Variants in PHF8 observed in about 807,000 individuals in gnomAD.
PHF8 encodes the protein histone lysine demethylase PHF8.
A neutral mutation model predicts 74.4 loss-of-function variants in PHF8; 9 were observed. That is an observed-to-expected ratio of 0.12 (90% CI 0.07 to 0.21). The LOEUF is 0.21. Among genes scored for constraint, PHF8 ranks in the 10% least tolerant of loss-of-function variants. The probability of loss-of-function intolerance (pLI) is 1.00; values close to 1 mark genes in which losing one functional copy is unlikely to be tolerated. For missense variants in PHF8, 478 were observed against 816.6 expected (o/e 0.59, Z 5.05); for synonymous variants, 311 against 316.6 (o/e 0.98, Z 0.19).
chrX:54,011,604 T>C (rs1339771960), intron 7 of PHF8, among the ~76,000 whole-genome samples: 1 of 111,779 alleles, frequency 8.9e-6, no homozygotes, highest in African/African-American at 3.2e-5. Flanking sequence ...GAATGGCCTC[T>C]ACAGATGAGT....
chrX:54,047,927 C>T (rs868977606), upstream of PHF8, among the ~76,000 whole-genome samples: 10 of 111,658 alleles, frequency 9.0e-5, no homozygotes, highest in African/African-American at 2.6e-4. Flanking sequence ...TGGTGGCTCA[C>T]GCCTGTAATC....
intron 14 of PHF8, among the ~76,000 whole-genome samples, chrX:53,990,136 C>A (rs1557100947): frequency 9.0e-6 from 1 of 111,530 alleles, no homozygotes; most frequent in East Asian, 2.8e-4. Context: ...GGCAATACAG[C>A]AAGACCCTGT....
rs782528412 is a variant in PHF8 at position 53,991,487 on chromosome X, C to A, written c.1730+1249G>T. 4.6e-5 allele frequency among the ~76,000 whole-genome samples: 5 copies of A among 109,097 alleles called. No homozygotes were observed. The East Asian group carries it at 1.4e-3, about 31-fold the overall frequency. 94.7% of individuals were successfully genotyped at this position (109,097 alleles called of 115,157 possible). On this transcript the variant is annotated intron_variant, in intron 14 of 21. Transcript: ENST00000338154. Reference sequence around the variant, plus strand: ...GACCAGCCTGGCCAACATGCGGAAACCCTGTCTCTACTAAAAATACAAAAA... The same window carrying A: ...GACCAGCCTGGCCAACATGCGGAAAACCTGTCTCTACTAAAAATACAAAAA...
At chrX:53,988,885 G>A (rs2065612392) in intron 14 of PHF8, among the ~76,000 whole-genome samples, 1 of 110,591 alleles carries the variant, frequency 9.0e-6, no homozygotes, top group Non-Finnish European at 1.9e-5. Context: ...AGCTTTACTG[G>A]CATAATCATT....
In PHF8 at chrX:53,937,657, G is replaced by A. The variant is rs2064687738; in HGVS notation, c.*1501C>T. On this transcript the variant is annotated 3_prime_UTR_variant, in exon 22 of 22. Transcript: ENST00000338154. ...TTCCAAGGAAGGAAAGTAGAGGCAG[G>A]GCTATGGAGAAAAGAAAGACAAACT... is the stretch of plus-strand genomic sequence containing the variant. 1.3e-5 allele frequency: 3 copies of A among 231,283 alleles called. No individual in the cohort carries two copies. Among genetic ancestry groups the A allele is most frequent in the Non-Finnish European group, 1.6e-5 (2 of 127,663 alleles). 19.1% of individuals were successfully genotyped at this position (231,283 alleles called of 1,213,427 possible).
At chrX:54,039,738 A>G (rs1300362509) in intron 2 of PHF8, 1 of 112,603 alleles carries the variant, frequency 8.9e-6, no homozygotes, top group Non-Finnish European at 1.9e-5. Flanking sequence ...AAGTACAAAT[A>G]ATGTTCAAAA....
At chrX:54,023,633 G>A (rs1426664009) in intron 2 of PHF8, among the ~76,000 whole-genome samples, 2 of 108,093 alleles carry the variant, frequency 1.9e-5, no homozygotes, top group Middle Eastern at 4.7e-3. Flanking sequence ...TTGGGAGGCC[G>A]AGGCAGGAGG....
At chrX:54,037,603 A>C (rs1314951210) in intron 2 of PHF8, among the ~76,000 whole-genome samples, 2 of 112,344 alleles carry the variant, frequency 1.8e-5, no homozygotes, top group Non-Finnish European at 3.8e-5. Flanking sequence ...CAGCACCTGA[A>C]GATATCAAAA....
rs373291906 is a variant in PHF8 at position 53,987,741 on chromosome X, G to A, written c.1909+25C>T. ...AACAAACAAAAAAACGGGCAGGGGA[G>A]GAAAAAGAAAGAACAGACACACACT... On this transcript the variant is annotated intron_variant, in intron 15 of 21. Transcript: ENST00000338154. The A allele has an allele frequency of 1.6e-5, 18 of 1,146,164 alleles. No individual in the cohort carries two copies. In the African/African-American group the frequency reaches 2.1e-4, roughly 14 times the overall value. 94.5% of individuals were successfully genotyped at this position (1,146,164 alleles called of 1,213,427 possible). A position where few individuals can be genotyped will look rare whatever the true frequency, so the allele number is the denominator to read the frequency against.
chrX:54,018,805 A>G (rs782782629), intron 4 of PHF8, among the ~76,000 whole-genome samples: 1 of 110,631 alleles, frequency 9.0e-6, no homozygotes, highest in African/African-American at 3.3e-5. Flanking sequence ...TTTTTAGTAG[A>G]TAGGGGATTT....
intron 18 of PHF8, among the ~76,000 whole-genome samples, chrX:53,964,868 CAA>C (rs782274910): frequency 5.3e-5 from 2 of 37,766 alleles, no homozygotes; most frequent in African/African-American, 9.4e-5. Context: ...AACTCTGCCT[CAA>C]AAAAAAAAAA....
upstream of PHF8, among the ~76,000 whole-genome samples, chrX:54,045,473 T>C (rs1557117287): frequency 8.9e-6 from 1 of 112,524 alleles, no homozygotes; most frequent in African/African-American, 3.2e-5. Flanking sequence ...AAACAGGGCC[T>C]CTGGAGTGGG....
At chrX:54,015,778 CA>C (rs1353700332) in intron 6 of PHF8, among the ~76,000 whole-genome samples, 2 of 110,786 alleles carry the variant, frequency 1.8e-5, no homozygotes, top group East Asian at 5.7e-4. Flanking sequence ...CAAAAAGATA[CA>C]TTATGATTTC....
intron 9 of PHF8, 97 bp downstream of exon 9, chrX:54,002,498 C>T (rs1267370313): frequency 6.7e-6 from 4 of 597,081 alleles, no homozygotes; most frequent in Non-Finnish European, 1.2e-5. Context: ...AACGAGGAAC[C>T]ATTCCTTTCT....
intron 19 of PHF8, among the ~76,000 whole-genome samples, chrX:53,960,283 G>A (rs1364099102): frequency 9.4e-6 from 1 of 106,783 alleles, no homozygotes; most frequent in African/African-American, 3.4e-5. Context: ...CACCGTGTTA[G>A]CCAGGATGGT....
chrX:54,044,439 G>A lies in PHF8; in HGVS notation c.-770C>T, dbSNP rs1557116928. ...GTGGCGGCGCTACCCAGACAACCAA[G>A]GCGACCGCCATCTTATGAGGGCTGG... On this transcript the variant is annotated 5_prime_UTR_variant, in exon 1 of 22. Transcript: ENST00000338154. 1.3e-6 allele frequency: 1 copy of A among 751,812 alleles called. No homozygotes were observed. Among genetic ancestry groups the A allele is most frequent in the African/African-American group, 2.3e-5 (1 of 43,585 alleles). 62.0% of individuals were successfully genotyped at this position (751,812 alleles called of 1,213,427 possible).
At chrX:53,981,193 G>A (rs903789442) in intron 18 of PHF8, among the ~76,000 whole-genome samples, 5 of 112,316 alleles carry the variant, frequency 4.5e-5, no homozygotes, top group East Asian at 2.8e-4. Flanking sequence ...CACCCTGGGC[G>A]ACAAAGTGAG....
intron 2 of PHF8, among the ~76,000 whole-genome samples, chrX:54,029,689 C>T (rs1382050661): frequency 1.8e-5 from 2 of 111,692 alleles, no homozygotes; most frequent in Non-Finnish European, 3.8e-5. Flanking sequence ...TGAACCCAAC[C>T]GACTCTGTCC....
intron 18 of PHF8, among the ~76,000 whole-genome samples, chrX:53,970,433 T>A (rs1557094232): frequency 8.9e-6 from 1 of 111,806 alleles, no homozygotes; most frequent in Non-Finnish European, 1.9e-5. Flanking sequence ...GAAGCAACCA[T>A]ATAAACAAGT....
Sources: allele counts gnomAD v4.1 joint callset (sites outside exome capture counted in the v4.1 genomes callset), GRCh38; gene constraint gnomAD v4.1.1; transcripts MANE v1.5; gene names NCBI Gene and HGNC (gene_info 2026-07-23, HGNC 2026-07-21).